CDC14B: variants seen among roughly 807,000 people sequenced by gnomAD.
The protein encoded by CDC14B is dual specificity protein phosphatase CDC14B.
Under a neutral mutation model 64.2 loss-of-function variants are expected in CDC14B, and 22 were observed. The observed-to-expected ratio is 0.34, with a 90% CI of 0.24 to 0.49. The LOEUF is 0.49. Ranked by LOEUF, CDC14B falls within the 20% of genes least tolerant of loss-of-function variation. The pLI is 0.99. For synonymous variants in CDC14B, 191 were observed against 215.8 expected (o/e 0.89, Z 1.01); for missense variants, 498 against 629.9 (o/e 0.79, Z 2.24).
Position 96,503,231 on chromosome 9 carries a change from A to G in CDC14B, c.*522T>C, listed in dbSNP as rs952265952. On this transcript the variant is annotated 3_prime_UTR_variant, in exon 14 of 14. Coordinates refer to ENST00000375241, the MANE Select transcript of CDC14B (RefSeq NM_033331.4). ...AGCAGCTTGGGTACTTAACAGAGTT[A>G]ACATTACAACAGTATTACAAATAGT... 1.2e-5 allele frequency: 3 copies of G among 244,246 alleles called. No individual in the cohort carries two copies. The highest frequency in any genetic ancestry group is 2.3e-5 in the Non-Finnish European group (3 of 129,036). The allele number at this position is 244,246 out of a possible 1,614,324, so 15.1% of individuals were successfully genotyped here. A position where few individuals can be genotyped will look rare whatever the true frequency, so the allele number is the denominator to read the frequency against.
chr9:96,539,296 G>A (rs967739471), intron 6 of CDC14B, among the ~76,000 whole-genome samples, 156 bp from the exon 7 acceptor site: 19 of 152,186 alleles, frequency 1.2e-4, no homozygotes, highest in African/African-American at 3.1e-4. Context: ...AGTGGGCGGC[G>A]TCTTCTAAGT....
downstream of CDC14B, among the ~76,000 whole-genome samples, chr9:96,497,821 C>T (rs1340133062): frequency 2.6e-5 from 4 of 152,038 alleles, no homozygotes; most frequent in Non-Finnish European, 4.4e-5. Context: ...AGAGAAGAAA[C>T]GGGTTTAGGG....
At chr9:96,508,153 C>T (rs1415769543) in intron 13 of CDC14B, among the ~76,000 whole-genome samples, 1 of 151,818 alleles carries the variant, frequency 6.6e-6, no homozygotes, top group Non-Finnish European at 1.5e-5. Context: ...GTAGCTGGGA[C>T]CACAGGTGCC....
chr9:96,619,041 C>T (rs1564400665), intron 1 of CDC14B, among the ~76,000 whole-genome samples, 178 bp downstream of exon 1: 1 of 151,026 alleles, frequency 6.6e-6, no homozygotes, highest in Non-Finnish European at 1.5e-5. Context: ...GGGCGGGGGG[C>T]GCTCCTCAGG....
intron 4 of CDC14B, among the ~76,000 whole-genome samples, chr9:96,556,084 T>C (rs189084626): frequency 3.5e-4 from 53 of 152,344 alleles, no homozygotes; most frequent in Admixed American, 7.8e-4. Context: ...TCTACTCTTA[T>C]GCACAGGATT....
intron 1 of CDC14B, among the ~76,000 whole-genome samples, chr9:96,615,343 T>A (rs1164413445): frequency 6.6e-6 from 1 of 152,166 alleles, no homozygotes; most frequent in Non-Finnish European, 1.5e-5. Context: ...TGTGGGTGGC[T>A]AGATACTAAA....
At chr9:96,497,541 G>GAA (rs988246277), downstream of CDC14B, among the ~76,000 whole-genome samples, 42 of 147,338 alleles carry the variant, frequency 2.9e-4, no homozygotes, top group African/African-American at 1.0e-3. Flanking sequence ...CAGTGAGCGT[G>GAA]ACCCCCTACC....
At chr9:96,540,586 T>G (rs1399232220) in intron 6 of CDC14B, among the ~76,000 whole-genome samples, 1 of 151,920 alleles carries the variant, frequency 6.6e-6, no homozygotes, top group Non-Finnish European at 1.5e-5. Flanking sequence ...TAATTGACTT[T>G]GGGTGCAATA....
At chr9:96,535,758 G>A (rs1294147676) in intron 7 of CDC14B, among the ~76,000 whole-genome samples, 1 of 138,030 alleles carries the variant, frequency 7.2e-6, no homozygotes, top group Non-Finnish European at 1.5e-5. Context: ...TGGGGAATCA[G>A]TCAGCCCATG....
rs1847732049 is a variant in CDC14B, at chr9:96,617,860, C to G, written c.160+1359G>C. ...TCCTTTCAAGAGGTATAAACAATAA[C>G]GGGCAGAAACTATGTATAGGCCCAC... On this transcript the variant is annotated intron_variant, in intron 1 of 13. Coordinates refer to ENST00000375241, the MANE Select transcript of CDC14B (RefSeq NM_033331.4). Among the ~76,000 whole-genome samples the G allele has an allele frequency of 2.6e-5, 4 of 152,318 alleles. No homozygotes were observed. The South Asian group carries it at 8.3e-4, about 32-fold the overall frequency.
At chr9:96,589,846 A>C (rs949263698) in intron 1 of CDC14B, among the ~76,000 whole-genome samples, 1 of 151,880 alleles carries the variant, frequency 6.6e-6, no homozygotes, top group African/African-American at 2.4e-5. Flanking sequence ...CTGTAGTCCC[A>C]GCTACTCAGA....
chr9:96,566,997 C>T, intron 1 of CDC14B: 1 of 1,422,070 alleles, frequency 7.0e-7, no homozygotes, highest in Non-Finnish European at 9.2e-7. Flanking sequence ...CCCCGGAAGT[C>T]CCCAAGTCCT....
At chr9:96,567,523 T>C (rs959037664) in intron 1 of CDC14B, among the ~76,000 whole-genome samples, 3 of 152,250 alleles carry the variant, frequency 2.0e-5, no homozygotes, top group Admixed American at 1.3e-4. Flanking sequence ...AGAAAACGCT[T>C]TTAATTGTGC....
intron 1 of CDC14B, among the ~76,000 whole-genome samples, chr9:96,577,474 C>G (rs1844881273): frequency 2.0e-5 from 3 of 152,084 alleles, no homozygotes; most frequent in Admixed American, 6.6e-5. Context: ...CCCTCTATCA[C>G]ACCATTTTTC....
At chr9:96,498,886 A>T (rs565238870), downstream of CDC14B, among the ~76,000 whole-genome samples, 27 of 152,342 alleles carry the variant, frequency 1.8e-4, no homozygotes, top group African/African-American at 6.0e-4. Context: ...TCTAGATGAC[A>T]GGGAAGGAGA....
intron 12 of CDC14B, among the ~76,000 whole-genome samples, chr9:96,516,960 G>T (rs549401868): frequency 3.3e-5 from 5 of 151,690 alleles, no homozygotes; most frequent in African/African-American, 1.2e-4. Context: ...AGCTAATTTT[G>T]CATTTTTAGT....
intron 5 of CDC14B, among the ~76,000 whole-genome samples, chr9:96,549,510 C>T (rs1463284245): frequency 1.3e-5 from 2 of 151,842 alleles, no homozygotes; most frequent in East Asian, 1.9e-4. Context: ...ACTAAAAATA[C>T]AAAAATTAGC....
chr9:96,557,131 A>G (rs931531615), intron 4 of CDC14B, among the ~76,000 whole-genome samples: 2 of 152,238 alleles, frequency 1.3e-5, no homozygotes, highest in Non-Finnish European at 2.9e-5. Flanking sequence ...GCCCGTCAGA[A>G]GCCCTCGGGT....
At chr9:96,595,442 C>G (rs957462322) in intron 1 of CDC14B, among the ~76,000 whole-genome samples, 1 of 152,170 alleles carries the variant, frequency 6.6e-6, no homozygotes, top group South Asian at 2.1e-4. Context: ...AAAGACGCTA[C>G]AAGTTACTAT....
Sources: allele counts gnomAD v4.1 joint callset (sites outside exome capture counted in the v4.1 genomes callset), GRCh38; gene constraint gnomAD v4.1.1; transcripts MANE v1.5; gene names NCBI Gene and HGNC (gene_info 2026-07-23, HGNC 2026-07-21).